The following PITPNM1 variants were observed in gnomAD, a reference collection of about 807,000 sequenced individuals.
The protein encoded by PITPNM1 is phosphatidylinositol transfer protein membrane associated 1.
Under a neutral mutation model 133.3 loss-of-function variants are expected in PITPNM1, and 74 were observed. The observed-to-expected ratio is 0.56, with a 90% CI of 0.46 to 0.67. PITPNM1 has a LOEUF of 0.67. PITPNM1 is among the 30% of genes least tolerant of loss of function. The pLI, the probability that PITPNM1 is intolerant of heterozygous loss-of-function variation, is 0.00. For synonymous variants in PITPNM1, 738 were observed against 741.4 expected, an observed-to-expected ratio of 1.00 and a Z score of 0.08; for missense variants, 1,398 against 1,739.5, an observed-to-expected ratio of 0.80 and a Z score of 3.49.
At chr11:67,493,318 T>G in intron 22 of PITPNM1, 92 bp downstream of exon 22, 1 of 1,333,636 alleles carries the variant, frequency 7.5e-7, no homozygotes, top group Non-Finnish European at 1.0e-6. Flanking sequence ...CCGATCCAGT[T>G]GGGAACAGAT....
In PITPNM1 at chr11:67,498,880, A is replaced by G; in HGVS notation, c.1234-34T>C. 6.2e-7 allele frequency: 1 copy of G among 1,609,932 alleles called. No homozygotes were observed. Among genetic ancestry groups the G allele is most frequent in the African/African-American group, 1.3e-5 (1 of 74,986 alleles). On this transcript the variant is annotated intron_variant, in intron 9 of 23. Coordinates refer to ENST00000356404, the MANE Select transcript of PITPNM1 (RefSeq NM_004910.3). This position sits in a 1 kb window ranked among gnomAD's most constrained non-coding sequence, Gnocchi z 5.7. ...AACAATGGGGTGCAGTGGGTGTCACAGCAGTGGCCGGGCCAGTGAGTAGGG... is the reference window on the plus strand; with the variant it reads ...AACAATGGGGTGCAGTGGGTGTCACGGCAGTGGCCGGGCCAGTGAGTAGGG...
chr11:67,501,957 T>C lies in PITPNM1; in HGVS notation c.545A>G (p.Gln182Arg), dbSNP rs1364792906. Residue 182 changes from glutamine to arginine, a missense_variant, in exon 5 of 24, where the codon CAG (glutamine) becomes CGG (arginine). Physicochemically the swap from Gln to Arg is conservative, Grantham distance 43. Around this residue, in one of 5 missense-constraint regions of PITPNM1, gnomAD observed 274 missense variants for 360.7 expected, o/e 0.76. Transcript: ENST00000356404. ...LSDDWARTAA[Q>R]TGPLMCAYKL... ...ATAGGCACACATAAGGGGCCCCGTC[T>C]GTGCCGCCGTCCGTGCCCAGTCATC... 1.9e-6 allele frequency: 3 copies of C among 1,613,412 alleles called. No individual in the cohort carries two copies. The highest frequency in any genetic ancestry group is 2.5e-6 in the Non-Finnish European group (3 of 1,180,022).
rs760093239 is a variant in PITPNM1, at chr11:67,493,842, G to A, written c.3009-5C>T. ...TCGGCATAGGTGTGGTCGCCCCTGC[G>A]GCCCACGGGGCGGGGCGTGAGTGGC... is the stretch of plus-strand genomic sequence containing the variant. On this transcript the variant is annotated splice_region_variant and splice_polypyrimidine_tract_variant and intron_variant, in intron 20 of 23. Coordinates refer to ENST00000356404, the MANE Select transcript of PITPNM1 (RefSeq NM_004910.3). 3.2e-5 allele frequency: 49 copies of A among 1,537,106 alleles called. No individual in the cohort carries two copies. The South Asian group carries it at 5.4e-4, about 17-fold the overall frequency.
rs987398603 is a variant in PITPNM1 at position 67,502,646 on chromosome 11, C to T, written c.151G>A (p.Gly51Arg). 6.8e-6 allele frequency: 11 copies of T among 1,613,530 alleles called. No individual in the cohort carries two copies. The highest frequency in any genetic ancestry group is 7.6e-6 in the Non-Finnish European group (9 of 1,180,020). The change falls in exon 3 of 24, where the codon GGG (glycine) becomes AGG (arginine). Residue 51 changes from glycine to arginine, a missense_variant. Coordinates refer to ENST00000356404, the MANE Select transcript of PITPNM1 (RefSeq NM_004910.3). This position sits in a 1 kb window ranked among gnomAD's most constrained non-coding sequence, Gnocchi z 5.9. The part of the protein sequence containing the change: ...EILANRPYTD[G>R]PGGSGQYTHK... ...GTGTATTGCCCGCTGCCCCCGGGCC[C>T]ATCCGTGTAGGGCCGGTTGGCCAGG...
rs374868691 is a variant in PITPNM1 at position 67,499,712 on chromosome 11, G to A, written c.1171+11C>T. The A allele has an allele frequency of 3.7e-5, 54 of 1,444,250 alleles. 1 individual carries two copies. Among genetic ancestry groups the A allele is most frequent in the South Asian group, 2.2e-4 (16 of 71,780 alleles). The allele number at this position is 1,444,250 out of a possible 1,614,324, so 89.5% of individuals were successfully genotyped here. On this transcript the variant is annotated intron_variant, in intron 8 of 23. Transcript: ENST00000356404. ...GGTGCTGGGGGCCGGTGTCCTAGGC[G>A]GTATCTTTACCTGGCGTTCCCTCTG...
Position 67,497,023 on chromosome 11 carries a change from G to A in PITPNM1, c.2146+208C>T, listed in dbSNP as rs942447423. The stretch of plus-strand genomic sequence containing the variant: ...CCCTTCTAGTGCAGAACATCCCACG[G>A]GTGTGAAGCTCCTCCCAGTGGCTTT... On this transcript the variant is annotated intron_variant, in intron 14 of 23. Coordinates refer to ENST00000356404, the MANE Select transcript of PITPNM1 (RefSeq NM_004910.3). 2.5e-5 allele frequency: 12 copies of A among 478,216 alleles called. No homozygotes were observed. In the Admixed American group the frequency reaches 3.4e-4, roughly 13 times the overall value. The allele number at this position is 478,216 out of a possible 1,614,324, so 29.6% of individuals were successfully genotyped here.
intron 18 of PITPNM1, 28 bp from the exon 19 acceptor site, chr11:67,494,388 C>A (rs754448228): frequency 1.8e-5 from 27 of 1,518,358 alleles, no homozygotes; most frequent in Non-Finnish European, 2.4e-5. Flanking sequence ...CGTGAGTCCG[C>A]GGCCAGCAAA....
intron 5 of PITPNM1, among the ~76,000 whole-genome samples, 186 bp from the exon 6 acceptor site, chr11:67,500,607 G>T (rs999091872): frequency 1.3e-5 from 2 of 152,170 alleles, no homozygotes; most frequent in Non-Finnish European, 2.9e-5. Context: ...CTTCCTGCCT[G>T]ACTCCCCCCC....
intron 13 of PITPNM1, 33 bp from the exon 14 acceptor site, chr11:67,497,469 C>A: frequency 3.1e-6 from 5 of 1,594,020 alleles, no homozygotes; most frequent in Non-Finnish European, 4.3e-6. Context: ...AGTGCTGCTG[C>A]CTCTGTAGTC....
At chr11:67,503,881 G>A (rs1866409100) in intron 2 of PITPNM1, 2 of 444,786 alleles carry the variant, frequency 4.5e-6, no homozygotes, top group Non-Finnish European at 8.1e-6. Context: ...CAGATCCTGA[G>A]GAGGATTACA....
chr11:67,504,063 T>C lies in PITPNM1; in HGVS notation c.78+40A>G, dbSNP rs1451519010. ...GCAGGGCTGGCGGGGTCGGCAGGGC[T>C]CCACCCCTTGCCCGGGTGCCCTCTC... On this transcript the variant is annotated intron_variant, in intron 2 of 23. Coordinates refer to ENST00000356404, the MANE Select transcript of PITPNM1 (RefSeq NM_004910.3). This position sits in a 1 kb window ranked among gnomAD's most constrained non-coding sequence, Gnocchi z 5.4. 6.6e-7 allele frequency: 1 copy of C among 1,505,794 alleles called. No homozygotes were observed. The highest frequency in any genetic ancestry group is 9.0e-7 in the Non-Finnish European group (1 of 1,110,190). 93.3% of individuals were successfully genotyped at this position (1,505,794 alleles called of 1,614,324 possible). A position where few individuals can be genotyped will look rare whatever the true frequency, so the allele number is the denominator to read the frequency against.
intron 18 of PITPNM1, among the ~76,000 whole-genome samples, chr11:67,494,561 C>T (rs952162114): frequency 1.3e-4 from 20 of 152,082 alleles, no homozygotes; most frequent in Non-Finnish European, 2.4e-4. Flanking sequence ...CCTCCAGGGG[C>T]AGAGCTGTGA....
At chr11:67,495,033 TC>T in intron 17 of PITPNM1, 43 bp downstream of exon 17, 2 of 1,581,384 alleles carry the variant, frequency 1.3e-6, no homozygotes, top group Non-Finnish European at 8.7e-7. Flanking sequence ...AAGCAGCCCA[TC>T]CCCGTCCCAT....
rs1316700450 is a variant in PITPNM1 at position 67,497,439 on chromosome 11, G to C, written c.1941-3C>G. On this transcript the variant is annotated splice_region_variant and splice_polypyrimidine_tract_variant and intron_variant, in intron 13 of 23. Coordinates refer to ENST00000356404, the MANE Select transcript of PITPNM1 (RefSeq NM_004910.3). ...TGGTTGCGGGGGCTGCCTGAAGGCTGTGGGGGAGGAGGGGTGCTCAGTGCT... is the reference window on the plus strand; with the variant it reads ...TGGTTGCGGGGGCTGCCTGAAGGCTCTGGGGGAGGAGGGGTGCTCAGTGCT... 6.3e-7 allele frequency: 1 copy of C among 1,590,760 alleles called. No homozygotes were observed. Among genetic ancestry groups the C allele is most frequent in the South Asian group, 1.1e-5 (1 of 89,526 alleles).
Position 67,502,442 on chromosome 11 carries a change from T to C in PITPNM1, c.294-29A>G. Reference sequence around the variant, plus strand: ...GGCAGAAGGCACGGGTGAGGCTCACTGCTGTACCCACCAGGGCCGCTCCCC... The same window carrying C: ...GGCAGAAGGCACGGGTGAGGCTCACCGCTGTACCCACCAGGGCCGCTCCCC... On this transcript the variant is annotated intron_variant, in intron 3 of 23. Transcript: ENST00000356404. This position sits in a 1 kb window ranked among gnomAD's most constrained non-coding sequence, Gnocchi z 5.9. 1.2e-6 allele frequency: 2 copies of C among 1,613,734 alleles called. No homozygotes were observed. The highest frequency in any genetic ancestry group is 1.7e-6 in the Non-Finnish European group (2 of 1,179,932).
chr11:67,497,344 T>C lies in PITPNM1; in HGVS notation c.2033A>G (p.Asp678Gly), dbSNP rs767113817. Residue 678 changes from aspartate to glycine, a missense_variant, in exon 14 of 24, where the codon GAC becomes GGC. Asp to Gly is a moderately conservative substitution (Grantham distance 94, BLOSUM62 -1). Coordinates refer to ENST00000356404, the MANE Select transcript of PITPNM1 (RefSeq NM_004910.3). ...CPPAASSEAP[D>G]GPSSTARLDF... Reference sequence around the variant, plus strand: ...AAGGCGGGCAGTGCTGCTGGGGCCGTCAGGTGCCTCGGAACTGGCAGCGGG... The same window carrying C: ...AAGGCGGGCAGTGCTGCTGGGGCCGCCAGGTGCCTCGGAACTGGCAGCGGG... 1.2e-6 allele frequency: 2 copies of C among 1,608,576 alleles called. No individual in the cohort carries two copies. The highest frequency in any genetic ancestry group is 1.7e-6 in the Non-Finnish European group (2 of 1,176,956).
At position 67,502,687 on chromosome 11, in the gene PITPNM1, C is replaced by T. The variant is rs1591066477; in HGVS notation, c.110G>A (p.Gly37Asp). ...GTTGGCCAGGATCTCCACGCCGCTG[C>T]CCTCACCACTAGACTCCTCCCGGCT... ...KKSREESSGE[G>D]SGVEILANRP... Residue 37 changes from glycine to aspartate, a missense_variant, in exon 3 of 24, where the codon GGC becomes GAC. Physicochemically the swap from Gly to Asp is moderately conservative, Grantham distance 94 (BLOSUM62 -1). This residue lies in a region of PITPNM1 where 274 missense variants were observed against 360.7 expected (regional missense o/e 0.76). Coordinates refer to ENST00000356404, the MANE Select transcript of PITPNM1 (RefSeq NM_004910.3). This position sits in a 1 kb window ranked among gnomAD's most constrained non-coding sequence, Gnocchi z 5.9. 6.2e-7 allele frequency: 1 copy of T among 1,613,468 alleles called. No homozygotes were observed. Among genetic ancestry groups the T allele is most frequent in the Non-Finnish European group, 8.5e-7 (1 of 1,179,996 alleles).
Position 67,504,697 on chromosome 11 carries a change from C to A in PITPNM1, c.-41-476G>T, listed in dbSNP as rs1302055377. On this transcript the variant is annotated intron_variant, in intron 1 of 23. Transcript: ENST00000356404. The surrounding 1 kb of genome is among the most constrained non-coding windows in gnomAD (Gnocchi z 5.4). ...TCCCAAGTCCCCCACTCTCGGACGT[C>A]CACCTAGAGCTTTGTTCCCCGAGTG... 2 of 152,286 alleles carry A rather than the reference C, an allele frequency of 1.3e-5. No homozygotes were observed. Among genetic ancestry groups the A allele is most frequent in the African/African-American group, 4.8e-5 (2 of 41,462 alleles). The allele number at this position is 152,286 out of a possible 1,614,324, so 9.4% of individuals were successfully genotyped here.
At position 67,497,410 on chromosome 11, in the gene PITPNM1, G is replaced by C; in HGVS notation, c.1967C>G (p.Ser656Cys). Residue 656 changes from serine (S) to cysteine (C), a missense_variant, in exon 14 of 24, where the codon TCC becomes TGC. Ser to Cys is a moderately radical substitution (Grantham distance 112, BLOSUM62 -1). Coordinates refer to ENST00000356404, the MANE Select transcript of PITPNM1 (RefSeq NM_004910.3). The stretch of plus-strand genomic sequence containing the variant: ...GCTTGCCCGCCGGGGCTCCCAGGAG[G>C]AGGTGGTTGCGGGGGCTGCCTGAAG... ...NSLQAAPATT[S>C]SWEPRRASTA... is the part of the protein sequence containing the mutation. 1 of 1,591,552 alleles carries C rather than the reference G, an allele frequency of 6.3e-7. No homozygotes were observed. Among genetic ancestry groups the C allele is most frequent in the Non-Finnish European group, 8.6e-7 (1 of 1,166,764 alleles).
Sources: gnomAD v4.1 joint callset for allele counts (sites outside exome capture counted in the v4.1 genomes callset) on GRCh38, gnomAD v4.1.1 for gene constraint, gnomAD v4.1.1 regional missense constraint, Gnocchi (gnomAD v3.1) non-coding constraint, MANE v1.5 for transcripts, NCBI Gene and HGNC (gene_info 2026-07-23, HGNC 2026-07-21) for gene names.